Variants in TMEM132E observed in about 807,000 individuals in gnomAD.
TMEM132E encodes transmembrane protein 132E.
TMEM132E carries 49 observed loss-of-function variants against 78.5 expected under a neutral mutation model. The ratio of observed to expected loss-of-function variants is 0.62; its 90% confidence interval spans 0.50 to 0.79. TMEM132E has a LOEUF of 0.79. Ranked by LOEUF, TMEM132E falls within the 30% of genes least tolerant of loss-of-function variation. The pLI is 0.00. For missense variants in TMEM132E, 1,403 were observed against 1,470.9 expected (o/e 0.95, Z 0.75); for synonymous variants, 715 against 670.6 (o/e 1.07, Z -1.02).
Position 34,637,286 on chromosome 17 carries a change from T to A in TMEM132E, c.2279T>A (p.Val760Glu). The A allele has an allele frequency of 4.3e-6, 7 of 1,614,146 alleles. No individual in the cohort carries two copies. The highest frequency in any genetic ancestry group is 5.9e-6 in the Non-Finnish European group (7 of 1,180,040). Residue 760 changes from valine to glutamate, a missense_variant, in exon 9 of 9, where the codon GTG becomes GAG. Val to Glu is a moderately radical substitution (Grantham distance 121). Coordinates refer to ENST00000631683, the MANE Select transcript of TMEM132E (RefSeq NM_001304438.2). ...CTAGTGAGCAGCCTGGATGAGCATG[T>A]GGCCACTGTGACCCAGGACCGGGCC... ...GLLVSSLDEH[V>E]ATVTQDRAFP...
At chr17:34,604,267 C>G (rs577919823) in intron 1 of TMEM132E, among the ~76,000 whole-genome samples, 1 of 152,296 alleles carries the variant, frequency 6.6e-6, no homozygotes, top group Admixed American at 6.5e-5. Flanking sequence ...TCCTTCTTTG[C>G]TGCTACTGCC....
In TMEM132E at chr17:34,638,267, C is replaced by T; in HGVS notation, c.*35C>T. The T allele has an allele frequency of 7.3e-7, 1 of 1,372,986 alleles. No homozygotes were observed. The highest frequency in any genetic ancestry group is 9.4e-7 in the Non-Finnish European group (1 of 1,059,752). The allele number at this position is 1,372,986 out of a possible 1,614,324, so 85.1% of individuals were successfully genotyped here. ...CCGGAGTAGCAGGGACCCCCCCCCC[C>T]AACGGGGTCAGCTCGGGGTAGGACA... On this transcript the variant is annotated 3_prime_UTR_variant, in exon 9 of 9. Transcript: ENST00000631683.
rs181793030 is a variant in TMEM132E at position 34,596,639 on chromosome 17, T to C, written c.67+15496T>C. Among the ~76,000 whole-genome samples, 101 of 152,130 alleles carry C rather than the reference T, an allele frequency of 6.6e-4. 1 individual carries two copies. Among genetic ancestry groups the C allele is most frequent in the African/African-American group, 2.3e-3 (96 of 41,520 alleles). ...AGCCCTTGGTCCATCATTTGCTTCC[T>C]TTTCCTTGGTCCCTGGCTATTCCCA... On this transcript the variant is annotated intron_variant, in intron 1 of 8. Coordinates refer to ENST00000631683, the MANE Select transcript of TMEM132E (RefSeq NM_001304438.2).
chr17:34,620,023 T>C (rs562296795), intron 1 of TMEM132E, among the ~76,000 whole-genome samples: 3 of 152,334 alleles, frequency 2.0e-5, no homozygotes, highest in African/African-American at 7.2e-5. Flanking sequence ...AAGAGATTAG[T>C]TTTAATTTGG....
At chr17:34,637,153 C>A (rs1287914744) in intron 8 of TMEM132E, 24 bp from the exon 9 acceptor site, 1 of 1,574,438 alleles carries the variant, frequency 6.4e-7, no homozygotes, top group Non-Finnish European at 8.6e-7. Context: ...TGACTCCTAT[C>A]CCCTCCTTCT....
intron 1 of TMEM132E, among the ~76,000 whole-genome samples, chr17:34,610,549 G>A (rs1293740107): frequency 2.0e-5 from 3 of 152,192 alleles, no homozygotes; most frequent in Non-Finnish European, 2.9e-5. Flanking sequence ...AGGCTTCAAA[G>A]AGGAGGTGAT....
At position 34,638,231 on chromosome 17, in the gene TMEM132E, A is replaced by G. The variant is rs1227080372; in HGVS notation, c.3224A>G (p.Ter1075TrpextTer6). ...NYMRRIKEIA[*>W] ...ATGCGCAGAATCAAAGAGATTGCAT[A>G]GAGGCGCCAGCCGGAGTAGCAGGGA... Residue 1075 changes from the stop codon to tryptophan (W), a stop_lost, in exon 9 of 9, where the codon TAG becomes TGG. Coordinates refer to ENST00000631683, the MANE Select transcript of TMEM132E (RefSeq NM_001304438.2). The G allele has an allele frequency of 1.3e-6, 2 of 1,561,334 alleles. No individual in the cohort carries two copies. Among genetic ancestry groups the G allele is most frequent in the Non-Finnish European group, 1.7e-6 (2 of 1,154,710 alleles).
rs1354270391 is a variant in TMEM132E, at chr17:34,638,124, G to A, written c.3117G>A (p.Glu1039=). The A allele has an allele frequency of 2.5e-6, 4 of 1,606,954 alleles. No homozygotes were observed. Among genetic ancestry groups the A allele is most frequent in the Non-Finnish European group, 3.4e-6 (4 of 1,177,482 alleles). Residue 1039 remains glutamate, a synonymous_variant, in exon 9 of 9, where the codon GAG becomes GAA. Transcript: ENST00000631683. ...TGCCCGCGGGCGAAGAGGACGAGGA[G>A]GAGGAAGAGGACCTGGGTTGGGGCT... The part of the protein sequence containing the change: ...DSVPAGEEDE[E]EEEDLGWGCP...
At chr17:34,583,320 C>T (rs1343718664) in intron 1 of TMEM132E, among the ~76,000 whole-genome samples, 2 of 152,256 alleles carry the variant, frequency 1.3e-5, no homozygotes, top group Admixed American at 6.5e-5. Flanking sequence ...ACCTCCTTCC[C>T]TGAGTCCTGA....
At chr17:34,626,078 C>T (rs1306920689) in intron 1 of TMEM132E, 49 bp from the exon 2 acceptor site, 1 of 1,424,246 alleles carries the variant, frequency 7.0e-7, no homozygotes, top group Non-Finnish European at 9.3e-7. Flanking sequence ...GGGGTCCCAG[C>T]GTGGCCTCTC....
At chr17:34,609,589 G>T (rs1906523608) in intron 1 of TMEM132E, among the ~76,000 whole-genome samples, 1 of 152,326 alleles carries the variant, frequency 6.6e-6, no homozygotes, top group Non-Finnish European at 1.5e-5. Context: ...CTGTCCAAGT[G>T]TGTGTGGTAT....
At chr17:34,631,883 C>T (rs768227306) in intron 5 of TMEM132E, among the ~76,000 whole-genome samples, 49 of 152,176 alleles carry the variant, frequency 3.2e-4, no homozygotes, top group African/African-American at 1.0e-3. Context: ...CAGGTGTGTG[C>T]GTGGGCATAT....
At chr17:34,596,046 T>TCACACACA (rs573248903) in intron 1 of TMEM132E, among the ~76,000 whole-genome samples, 1 of 71,410 alleles carries the variant, frequency 1.4e-5, no homozygotes, top group African/African-American at 4.3e-5. Context: ...CGTCTCTCTG[T>TCACACACA]CACACACACA....
intron 1 of TMEM132E, among the ~76,000 whole-genome samples, chr17:34,583,939 C>T (rs757346987): frequency 1.3e-5 from 2 of 152,216 alleles, no homozygotes; most frequent in Admixed American, 6.5e-5. Context: ...CAGTCTCCAG[C>T]CCTCTTCCAG....
At chr17:34,596,904 A>G (rs556012564) in intron 1 of TMEM132E, among the ~76,000 whole-genome samples, 1 of 150,178 alleles carries the variant, frequency 6.7e-6, no homozygotes, top group East Asian at 2.0e-4. Context: ...TAACTCAGTG[A>G]CTGCCTGCCT....
Position 34,626,467 on chromosome 17 carries a change from C to G in TMEM132E, c.408C>G (p.Pro136=). The change falls in exon 2 of 9, where the codon CCC becomes CCG. Residue 136 remains proline (P), a synonymous_variant. Coordinates refer to ENST00000631683, the MANE Select transcript of TMEM132E (RefSeq NM_001304438.2). ...VRAFIVRSHV[P]ASQPVVQVLF... ...CCTTCATCGTCCGCTCGCACGTGCC[C>G]GCCTCGCAGCCCGTGGTCCAGGTGC... is the stretch of plus-strand genomic sequence containing the variant. 6.2e-7 allele frequency: 1 copy of G among 1,612,910 alleles called. No individual in the cohort carries two copies.
chr17:34,630,077 A>G lies in TMEM132E; in HGVS notation c.1408A>G (p.Ile470Val), dbSNP rs767993188. The G allele has an allele frequency of 9.9e-6, 16 of 1,613,714 alleles. No homozygotes were observed. Among genetic ancestry groups the G allele is most frequent in the East Asian group, 2.2e-5 (1 of 44,878 alleles). Residue 470 changes from isoleucine (I) to valine (V), a missense_variant, in exon 5 of 9, where the codon ATC (isoleucine) becomes GTC (valine). Physicochemically the swap from Ile to Val is conservative, Grantham distance 29. This residue lies in a region of TMEM132E where 888 missense variants were observed against 952.8 expected (regional missense o/e 0.93). Coordinates refer to ENST00000631683, the MANE Select transcript of TMEM132E (RefSeq NM_001304438.2). ...TVAIPVKVIAIEVNGLVLDIS... is the reference protein window; with the variant it reads ...TVAIPVKVIAVEVNGLVLDIS... ...GGCCATCCCTGTCAAGGTCATTGCC[A>G]TCGAGGTGAATGGCCTCGTCCTGGA...
At position 34,628,714 on chromosome 17, in the gene TMEM132E, G is replaced by A. The variant is rs749970585; in HGVS notation, c.1145+5G>A. On this transcript the variant is annotated splice_donor_5th_base_variant and intron_variant, in intron 3 of 8. Coordinates refer to ENST00000631683, the MANE Select transcript of TMEM132E (RefSeq NM_001304438.2). Reference sequence around the variant, plus strand: ...GAGCACACCCCTGCCCCCCAGGTGAGCCCGAGGTGGTGCATCTACCCACCT... The same window carrying A: ...GAGCACACCCCTGCCCCCCAGGTGAACCCGAGGTGGTGCATCTACCCACCT... 2.5e-6 allele frequency: 4 copies of A among 1,580,142 alleles called. No homozygotes were observed. Among genetic ancestry groups the A allele is most frequent in the South Asian group, 2.3e-5 (2 of 87,796 alleles).
Position 34,626,763 on chromosome 17 carries a change from C to G in TMEM132E, c.704C>G (p.Thr235Arg). ...AGCCAGCAGGCCGAGCTCTACTACA[C>G]GCTCCACGCCCCTGATGCGTCGGGG... ...GESQQAELYY[T>R]LHAPDASGGC... Residue 235 changes from threonine (T) to arginine (R), a missense_variant, in exon 2 of 9, where the codon ACG becomes AGG. Physicochemically the swap from Thr to Arg is moderately conservative, Grantham distance 71 (BLOSUM62 -1). Coordinates refer to ENST00000631683, the MANE Select transcript of TMEM132E (RefSeq NM_001304438.2). The G allele has an allele frequency of 6.9e-7, 1 of 1,441,258 alleles. No individual in the cohort carries two copies. Among genetic ancestry groups the G allele is most frequent in the Non-Finnish European group, 9.2e-7 (1 of 1,082,850 alleles). 89.3% of individuals were successfully genotyped at this position (1,441,258 alleles called of 1,614,324 possible).
Sources: allele counts gnomAD v4.1 joint callset (sites outside exome capture counted in the v4.1 genomes callset), GRCh38; gene constraint gnomAD v4.1.1; regional missense constraint gnomAD v4.1.1; transcripts MANE v1.5; gene names NCBI Gene and HGNC (gene_info 2026-07-23, HGNC 2026-07-21).